Variants in RASGRF1 observed in about 807,000 individuals in gnomAD.
The protein encoded by RASGRF1 is ras-specific guanine nucleotide-releasing factor 1.
In RASGRF1, 40 loss-of-function variants were observed where a neutral mutation model predicts 138.7. The ratio of observed to expected loss-of-function variants is 0.29; its 90% CI spans 0.22 to 0.38. The LOEUF is 0.38. RASGRF1 is among the 10% of genes least tolerant of loss of function. The pLI is 1.00. For synonymous variants in RASGRF1, 614 were observed against 663.2 expected (o/e 0.93, Z 1.14); for missense variants, 1,108 against 1,650.4 (o/e 0.67, Z 5.69).
At chr15:79,060,946 G>T (rs1018298575) in intron 2 of RASGRF1, among the ~76,000 whole-genome samples, 8 of 152,174 alleles carry the variant, frequency 5.3e-5, no homozygotes, top group African/African-American at 1.9e-4. Context: ...TTAAGGCAGG[G>T]AGATTGTCTT....
intron 23 of RASGRF1, among the ~76,000 whole-genome samples, chr15:78,982,944 A>C (rs905663827): frequency 1.3e-5 from 2 of 152,204 alleles, no homozygotes; most frequent in Non-Finnish European, 2.9e-5. Context: ...GGGGAAATGA[A>C]AAGTCCCAAA....
In RASGRF1 at chr15:78,971,036, G is replaced by T. The variant is rs946957386; in HGVS notation, c.3681+830C>A. On this transcript the variant is annotated intron_variant, in intron 26 of 26. Transcript: ENST00000558480. ...AGCCAGCCATTTGGTGGTGGTGGTG[G>T]AGGGGGTCACTGTACTTAGCATTAC... 7.9e-5 allele frequency among the ~76,000 whole-genome samples: 12 copies of T among 152,190 alleles called. No individual in the cohort carries two copies. In the South Asian group the frequency reaches 1.0e-3, roughly 13 times the overall value.
intron 2 of RASGRF1, among the ~76,000 whole-genome samples, chr15:79,062,575 C>T (rs2057622091): frequency 1.3e-5 from 2 of 152,044 alleles, no homozygotes; most frequent in South Asian, 4.2e-4. Flanking sequence ...TGCTCTGTTG[C>T]CCAGGCTGGA....
chr15:79,048,691 A>T (rs979255930), intron 4 of RASGRF1, among the ~76,000 whole-genome samples: 3 of 152,218 alleles, frequency 2.0e-5, no homozygotes, highest in African/African-American at 4.8e-5. Context: ...ATGTAAACCA[A>T]AAAAAGCCCA....
chr15:79,047,173 A>G (rs781474173), intron 4 of RASGRF1, among the ~76,000 whole-genome samples, 174 bp from the exon 5 acceptor site: 3 of 152,264 alleles, frequency 2.0e-5, no homozygotes, highest in Non-Finnish European at 2.9e-5. Context: ...CCCACATGAT[A>G]CAGGGCAAGT....
At chr15:79,028,954 A>G (rs2057099465) in intron 8 of RASGRF1, among the ~76,000 whole-genome samples, 1 of 152,232 alleles carries the variant, frequency 6.6e-6, no homozygotes, top group Admixed American at 6.5e-5. Flanking sequence ...TTCCTCATCT[A>G]CAGAATGCTG....
intron 20 of RASGRF1, among the ~76,000 whole-genome samples, chr15:78,995,260 A>G (rs1322574272): frequency 1.3e-5 from 2 of 148,722 alleles, no homozygotes; most frequent in African/African-American, 5.0e-5. Flanking sequence ...AGACTCCAGA[A>G]CTATGAGAGA....
chr15:78,990,488 G>A (rs768464145), intron 21 of RASGRF1, among the ~76,000 whole-genome samples: 2 of 152,160 alleles, frequency 1.3e-5, no homozygotes, highest in South Asian at 2.1e-4. Context: ...TTATAGCTCA[G>A]GGCTTCAGTT....
At chr15:78,969,297 C>G (rs936642045) in intron 26 of RASGRF1, among the ~76,000 whole-genome samples, 2 of 152,184 alleles carry the variant, frequency 1.3e-5, no homozygotes, top group Admixed American at 6.5e-5. Flanking sequence ...CTGAAATTGT[C>G]TGTTGGTTCC....
intron 22 of RASGRF1, among the ~76,000 whole-genome samples, chr15:78,988,782 G>C (rs1345243458): frequency 6.6e-6 from 1 of 151,996 alleles, no homozygotes. Flanking sequence ...GAGTGGACCC[G>C]GCTCTGTGGT....
intron 20 of RASGRF1, among the ~76,000 whole-genome samples, chr15:78,992,723 T>TTCCA (rs1249328369): frequency 6.6e-6 from 1 of 152,158 alleles, no homozygotes; most frequent in African/African-American, 2.4e-5. Flanking sequence ...GCCTTCACTT[T>TTCCA]TCCATGCTCA....
In RASGRF1 at chr15:78,973,326, C is replaced by A; in HGVS notation, c.3589G>T (p.Val1197Phe). ...GTPNYTEDGL[V>F]NFSKMRMISH... is the part of the protein sequence containing the mutation. ...ACCATCCTCATCTTGGAGAAGTTGA[C>A]CAGGCCGTCTTCCGTGTAATTGGGC... Residue 1197 changes from valine to phenylalanine, a missense_variant, in exon 25 of 27, where the codon GTC becomes TTC. By Grantham distance (50) the Val-to-Phe change is conservative. Around this residue, in one of 3 missense-constraint regions of RASGRF1, gnomAD observed 686 missense variants for 976.7 expected, o/e 0.70. Coordinates refer to ENST00000558480, the MANE Select transcript of RASGRF1 (RefSeq NM_001145648.3). The surrounding 1 kb of genome is among the most constrained non-coding windows in gnomAD (Gnocchi z 4.9). The A allele has an allele frequency of 1.2e-6, 2 of 1,612,942 alleles. No homozygotes were observed. Among genetic ancestry groups the A allele is most frequent in the Non-Finnish European group, 1.7e-6 (2 of 1,179,184 alleles).
rs569517269 is a variant in RASGRF1 at position 79,049,374 on chromosome 15, A to G, written c.624+122T>C. ...AGTGTGGGCTCTGTCTTTGGAGCTG[A>G]GGTTGGGGGATGGGGGGCACGCTCT... is the stretch of plus-strand genomic sequence containing the variant. On this transcript the variant is annotated intron_variant, in intron 4 of 26. Transcript: ENST00000558480. The G allele has an allele frequency of 1.3e-5, 11 of 851,224 alleles. No individual in the cohort carries two copies. In the African/African-American group the frequency reaches 1.3e-4, roughly 10 times the overall value. The allele number at this position is 851,224 out of a possible 1,614,324, so 52.7% of individuals were successfully genotyped here.
At chr15:78,971,756 A>C in intron 26 of RASGRF1, 110 bp downstream of exon 26, 4 of 1,057,890 alleles carry the variant, frequency 3.8e-6, no homozygotes, top group Non-Finnish European at 5.9e-6. Flanking sequence ...GCTGGGCTCG[A>C]GAGAATTCTG....
rs2055543011 is a variant in RASGRF1 at position 78,961,501 on chromosome 15, G to C, written c.*643C>G. The stretch of plus-strand genomic sequence containing the variant: ...CATGCTATCTGGTGTTAATCCTAGA[G>C]CAAGGAGCGACGTGGGGCCTGAACG... On this transcript the variant is annotated 3_prime_UTR_variant, in exon 27 of 27. Coordinates refer to ENST00000558480, the MANE Select transcript of RASGRF1 (RefSeq NM_001145648.3). 6.6e-6 allele frequency: 1 copy of C among 152,382 alleles called. No homozygotes were observed. The highest frequency in any genetic ancestry group is 1.5e-5 in the Non-Finnish European group (1 of 68,198). 9.4% of individuals were successfully genotyped at this position (152,382 alleles called of 1,614,324 possible). A position where few individuals can be genotyped will look rare whatever the true frequency, so the allele number is the denominator to read the frequency against.
Position 79,046,948 on chromosome 15 carries a change from T to C in RASGRF1, c.676A>G (p.Ile226Val). 6.2e-7 allele frequency: 1 copy of C among 1,614,020 alleles called. No individual in the cohort carries two copies. Among genetic ancestry groups the C allele is most frequent in the Non-Finnish European group, 8.5e-7 (1 of 1,179,980 alleles). ...TGGGGTGACCGGATGTAGTCCTGGA[T>C]GATGGTCTTCCACTTCCGCCGGCAC... Reference protein sequence around the residue: ...WLCRRKWKTIIQDYIRSPHAD... With the variant: ...WLCRRKWKTIVQDYIRSPHAD... Residue 226 changes from isoleucine to valine, a missense_variant, in exon 5 of 27, where the codon ATC (isoleucine) becomes GTC (valine). Transcript: ENST00000558480. This position sits in a 1 kb window ranked among gnomAD's most constrained non-coding sequence, Gnocchi z 5.3.
At chr15:78,995,528 A>G (rs1317440422) in intron 20 of RASGRF1, among the ~76,000 whole-genome samples, 2 of 152,154 alleles carry the variant, frequency 1.3e-5, no homozygotes, top group African/African-American at 4.8e-5. Context: ...ACCTCAGGTG[A>G]TCTGCCCACC....
chr15:78,997,590 G>T (rs908391337), intron 19 of RASGRF1, among the ~76,000 whole-genome samples: 9 of 152,012 alleles, frequency 5.9e-5, no homozygotes, highest in Admixed American at 5.2e-4. Context: ...AAAAAAATTA[G>T]CTGGGCGTGG....
At chr15:79,056,276 G>A (rs1479145217) in intron 3 of RASGRF1, among the ~76,000 whole-genome samples, 1 of 152,216 alleles carries the variant, frequency 6.6e-6, no homozygotes, top group Non-Finnish European at 1.5e-5. Flanking sequence ...GTAAGTGAAT[G>A]AATGAATGAC....
Sources: allele counts gnomAD v4.1 joint callset (sites outside exome capture counted in the v4.1 genomes callset), GRCh38; gene constraint gnomAD v4.1.1; regional missense constraint gnomAD v4.1.1; non-coding constraint Gnocchi (gnomAD v3.1); transcripts MANE v1.5; gene names NCBI Gene and HGNC (gene_info 2026-07-23, HGNC 2026-07-21).